Variants in C6orf52 observed in about 807,000 individuals in gnomAD.
C6orf52 encodes the protein putative uncharacterized protein C6orf52.
In C6orf52, 16 loss-of-function variants were observed where a neutral mutation model predicts 16.6. That is an observed-to-expected ratio of 0.96 (90% confidence interval 0.65 to 1.46). The LOEUF is 1.46. C6orf52 is among the 40% of genes most tolerant of loss of function. C6orf52 has a pLI of 0.00. For synonymous variants in C6orf52, 53 were observed against 61.4 expected, an observed-to-expected ratio of 0.86 and a Z score of 0.64; for missense variants, 166 against 182.3, an observed-to-expected ratio of 0.91 and a Z score of 0.52.
intron 4 of C6orf52, among the ~76,000 whole-genome samples, chr6:10,682,676 A>G (rs1768503478): frequency 6.6e-6 from 1 of 152,088 alleles, no homozygotes; most frequent in Non-Finnish European, 1.5e-5. Context: ...GAAGCAAAAC[A>G]TTTTTTCCCC....
rs1304413102 is a variant in C6orf52 at position 10,686,927 on chromosome 6, G to A, written c.270+39C>T. On this transcript the variant is annotated intron_variant, in intron 3 of 4. Coordinates refer to ENST00000259983, the MANE Select transcript of C6orf52 (RefSeq NM_001145020.3). The stretch of plus-strand genomic sequence containing the variant: ...GGAAAGTGATGTTTACTATTATTGG[G>A]CACACGAATGACACAAGATTCATTC... The A allele has an allele frequency of 1.4e-5, 19 of 1,384,514 alleles. No individual in the cohort carries two copies. In the South Asian group the frequency reaches 2.5e-4, roughly 18 times the overall value. The allele number at this position is 1,384,514 out of a possible 1,614,324, so 85.8% of individuals were successfully genotyped here. A position where few individuals can be genotyped will look rare whatever the true frequency, so the allele number is the denominator to read the frequency against.
At chr6:10,675,388 T>C (rs1767789373) in intron 4 of C6orf52, among the ~76,000 whole-genome samples, 1 of 152,254 alleles carries the variant, frequency 6.6e-6, no homozygotes, top group Non-Finnish European at 1.5e-5. Context: ...TTGAATAGTA[T>C]TCTATTGTGT....
intron 1 of C6orf52, among the ~76,000 whole-genome samples, chr6:10,691,599 T>C (rs542239824): frequency 6.6e-6 from 1 of 152,246 alleles, no homozygotes; most frequent in South Asian, 2.1e-4. Context: ...TTTTAGTTTT[T>C]ACTTCTTCTT....
At chr6:10,678,791 A>T (rs889263958) in intron 4 of C6orf52, among the ~76,000 whole-genome samples, 4 of 152,068 alleles carry the variant, frequency 2.6e-5, no homozygotes, top group Admixed American at 6.5e-5. Flanking sequence ...TTTTAAAAAA[A>T]TTTTTTTAAA....
intron 1 of C6orf52, 77 bp from the exon 2 acceptor site, chr6:10,687,638 C>A: frequency 1.2e-6 from 1 of 833,440 alleles, no homozygotes; most frequent in Non-Finnish European, 2.0e-6. Flanking sequence ...CCTCTCAATC[C>A]TGACAAATAA....
At chr6:10,685,083 G>A (rs1768748512) in intron 3 of C6orf52, among the ~76,000 whole-genome samples, 2 of 152,034 alleles carry the variant, frequency 1.3e-5, no homozygotes, top group Admixed American at 1.3e-4. Context: ...AAAAAAGGAT[G>A]TTCATTTCTT....
intron 4 of C6orf52, among the ~76,000 whole-genome samples, chr6:10,677,541 T>C (rs916700835): frequency 6.6e-6 from 1 of 150,760 alleles, no homozygotes; most frequent in African/African-American, 2.5e-5. Flanking sequence ...TTTTCTTTTT[T>C]TTTTTCCCAA....
chr6:10,673,638 C>G (rs542559447), intron 4 of C6orf52, among the ~76,000 whole-genome samples: 2 of 152,122 alleles, frequency 1.3e-5, no homozygotes, highest in African/African-American at 4.8e-5. Context: ...CACAACATTA[C>G]GAATGTACTT....
intron 4 of C6orf52, among the ~76,000 whole-genome samples, chr6:10,674,087 G>T (rs2127459426): frequency 6.6e-6 from 1 of 152,268 alleles, no homozygotes; most frequent in East Asian, 1.9e-4. Flanking sequence ...GTTCTGGTGA[G>T]GACCCTCTTC....
At chr6:10,679,048 G>A (rs996101534) in intron 4 of C6orf52, among the ~76,000 whole-genome samples, 18 of 151,688 alleles carry the variant, frequency 1.2e-4, no homozygotes, top group Non-Finnish European at 1.2e-4. Flanking sequence ...AGCCAAGATC[G>A]CACCACTGCA....
At position 10,694,603 on chromosome 6, in the gene C6orf52, A is replaced by T; in HGVS notation, c.-121T>A. Reference sequence around the variant, plus strand: ...CTGCCGGCGCTACAGCCCCTAAGCAACCGGCCGGAAGTCGGCCCCACCTCC... The same window carrying T: ...CTGCCGGCGCTACAGCCCCTAAGCATCCGGCCGGAAGTCGGCCCCACCTCC... On this transcript the variant is annotated 5_prime_UTR_variant, in exon 1 of 5. It adds an upstream start codon to the 5' untranslated region. Transcript: ENST00000259983. The T allele has an allele frequency of 1.8e-4, 32 of 179,074 alleles. No homozygotes were observed. The highest frequency in any genetic ancestry group is 9.0e-4 in the South Asian group (9 of 10,000). The allele number at this position is 179,074 out of a possible 1,614,324, so 11.1% of individuals were successfully genotyped here.
intron 1 of C6orf52, among the ~76,000 whole-genome samples, chr6:10,688,954 G>A (rs1399246700): frequency 6.6e-6 from 1 of 152,220 alleles, no homozygotes; most frequent in East Asian, 1.9e-4. Context: ...TGGGATTACA[G>A]GCATCTGGCA....
intron 4 of C6orf52, among the ~76,000 whole-genome samples, chr6:10,677,300 C>T (rs903665520): frequency 4.6e-5 from 7 of 152,154 alleles, no homozygotes; most frequent in Non-Finnish European, 1.0e-4. Flanking sequence ...GTTCTTGGCA[C>T]CTTTGCTGAA....
At chr6:10,674,100 G>C (rs779107041) in intron 4 of C6orf52, among the ~76,000 whole-genome samples, 1 of 152,090 alleles carries the variant, frequency 6.6e-6, no homozygotes, top group Non-Finnish European at 1.5e-5. Context: ...CCCTCTTCTG[G>C]GTTGCACACT....
chr6:10,694,619 C>T (rs955951749), upstream of C6orf52: 9 of 186,276 alleles, frequency 4.8e-5, no homozygotes, highest in Admixed American at 2.3e-4. Flanking sequence ...CGGAAGTCGG[C>T]CCCACCTCCT....
At chr6:10,688,199 G>T (rs1298983161) in intron 1 of C6orf52, among the ~76,000 whole-genome samples, 1 of 145,470 alleles carries the variant, frequency 6.9e-6, no homozygotes, top group Middle Eastern at 3.5e-3. Context: ...CTCTGGTTCA[G>T]TTTTTTTTTT....
rs150928914 is a variant in C6orf52, at chr6:10,694,576, C to G, written c.-94G>C. 1 of 186,286 alleles carries G rather than the reference C, an allele frequency of 5.4e-6. No individual in the cohort carries two copies. The highest frequency in any genetic ancestry group is 5.5e-5 in the Admixed American group (1 of 18,152). 11.5% of individuals were successfully genotyped at this position (186,286 alleles called of 1,614,324 possible). On this transcript the variant is annotated 5_prime_UTR_variant, in exon 1 of 5. Coordinates refer to ENST00000259983, the MANE Select transcript of C6orf52 (RefSeq NM_001145020.3). ...CTAGTACACAGCCCACAACAATGCA[C>G]GCTGCCGGCGCTACAGCCCCTAAGC...
At chr6:10,678,569 T>A (rs1768093351) in intron 4 of C6orf52, among the ~76,000 whole-genome samples, 1 of 152,224 alleles carries the variant, frequency 6.6e-6, no homozygotes, top group South Asian at 2.1e-4. Flanking sequence ...TATTGCAGGT[T>A]TAGTTCCTAA....
At chr6:10,693,933 T>C (rs937321082) in intron 1 of C6orf52, among the ~76,000 whole-genome samples, 6 of 152,254 alleles carry the variant, frequency 3.9e-5, no homozygotes, top group African/African-American at 1.4e-4. Flanking sequence ...CAAAATATGT[T>C]GCTCAGGCTC....
Sources: allele counts gnomAD v4.1 joint callset (sites outside exome capture counted in the v4.1 genomes callset), GRCh38; gene constraint gnomAD v4.1.1; transcripts MANE v1.5; gene names NCBI Gene and HGNC (gene_info 2026-07-23, HGNC 2026-07-21).